The following CENPC variants were observed in gnomAD, a reference collection of about 807,000 sequenced individuals.
The protein encoded by CENPC is CENP-C 1.
In CENPC, 63 loss-of-function variants were observed where a neutral mutation model predicts 112.1. The observed-to-expected ratio is 0.56, with a 90% CI of 0.46 to 0.69. The LOEUF (loss-of-function observed/expected upper bound fraction) is 0.69, where lower values mean the gene tolerates loss of function less well. CENPC is among the 30% of genes least tolerant of loss of function. CENPC has a pLI of 0.00. For missense variants in CENPC, 1,000 were observed against 1,103.8 expected (o/e 0.91, Z 1.33); for synonymous variants, 333 against 367.6 (o/e 0.91, Z 1.08).
Position 67,508,959 on chromosome 4 carries a change from C to T in CENPC, c.1759G>A (p.Gly587Ser). Reference protein sequence around the residue: ...PLKRQKTATKGNQRVQKFLNA... With the variant: ...PLKRQKTATKSNQRVQKFLNA... ...AAAAACTTCTGTACTCTTTGGTTGC[C>T]TTTAGTTGCTGTCTTCTGCCTTTTA... Residue 587 changes from glycine (G) to serine (S), a missense_variant, in exon 10 of 19, where the codon GGC becomes AGC. Physicochemically the swap from Gly to Ser is moderately conservative, Grantham distance 56. Coordinates refer to ENST00000273853, the MANE Select transcript of CENPC (RefSeq NM_001812.4). The T allele has an allele frequency of 6.2e-7, 1 of 1,613,576 alleles. No homozygotes were observed. The highest frequency in any genetic ancestry group is 1.1e-5 in the South Asian group (1 of 91,068).
intron 4 of CENPC, 87 bp downstream of exon 4, chr4:67,539,753 C>A (rs1011491170): frequency 1.5e-6 from 1 of 659,246 alleles, no homozygotes; most frequent in South Asian, 2.3e-5. Flanking sequence ...ATAAGACTTA[C>A]AAACAACTAA....
chr4:67,495,520 G>A (rs922587483), intron 12 of CENPC, among the ~76,000 whole-genome samples: 6 of 152,004 alleles, frequency 3.9e-5, no homozygotes, highest in South Asian at 4.1e-4. Flanking sequence ...TGTCTCTGGC[G>A]ACAAGTGGAA....
Position 67,490,837 on chromosome 4 carries a change from AATATATAT to A in CENPC, c.2516-724_2516-717del, listed in dbSNP as rs57498869. Among the ~76,000 whole-genome samples the A allele has an allele frequency of 8.9e-3, 510 of 57,048 alleles. 2 individuals are homozygous for A. The highest frequency in any genetic ancestry group is 0.022 in the African/African-American group (371 of 16,788). 37.4% of individuals were successfully genotyped at this position (57,048 alleles called of 152,430 possible). ...CTACAGACTACATGATATAGAAATA[AATATATAT>A]ATATATATATATATATATATATATA... is the stretch of plus-strand genomic sequence containing the variant. On this transcript the variant is annotated intron_variant, in intron 16 of 18. Transcript: ENST00000273853.
intron 5 of CENPC, among the ~76,000 whole-genome samples, chr4:67,528,272 G>C (rs928724626): frequency 1.3e-5 from 2 of 152,036 alleles, no homozygotes; most frequent in Non-Finnish European, 2.9e-5. Flanking sequence ...AATACTAGGA[G>C]GGAGGGGAGA....
Position 67,474,885 on chromosome 4 carries a change from T to C in CENPC, c.2761+3A>G, listed in dbSNP as rs202214457. ...GTTGTCTAAGTGAAATAAATTGTCT[T>C]ACCTGAAGGAACATAGAACGAATCC... On this transcript the variant is annotated splice_donor_region_variant and intron_variant, in intron 18 of 18. Coordinates refer to ENST00000273853, the MANE Select transcript of CENPC (RefSeq NM_001812.4). The C allele has an allele frequency of 6.5e-7, 1 of 1,529,988 alleles. No individual in the cohort carries two copies. 94.8% of individuals were successfully genotyped at this position (1,529,988 alleles called of 1,614,324 possible).
chr4:67,535,451 G>A (rs983484758), intron 4 of CENPC, among the ~76,000 whole-genome samples: 1 of 151,658 alleles, frequency 6.6e-6, no homozygotes, highest in Admixed American at 6.6e-5. Flanking sequence ...AAAAAAAAAA[G>A]AGCAGGGACA....
At chr4:67,505,131 A>G in intron 12 of CENPC, 74 bp downstream of exon 12, 1 of 1,068,318 alleles carries the variant, frequency 9.4e-7, no homozygotes, top group South Asian at 1.5e-5. Context: ...TGACAATGTA[A>G]ACAAAACATA....
chr4:67,484,703 G>T (rs1490519115), intron 17 of CENPC, among the ~76,000 whole-genome samples: 3 of 152,194 alleles, frequency 2.0e-5, no homozygotes, highest in Non-Finnish European at 4.4e-5. Flanking sequence ...AATACAGGAA[G>T]AGATTTCTTT....
Position 67,469,359 on chromosome 4 carries a change from T to G in CENPC, c.*3246A>C, listed in dbSNP as rs1009019292. 1.3e-5 allele frequency: 2 copies of G among 152,196 alleles called. No individual in the cohort carries two copies. Among genetic ancestry groups the G allele is most frequent in the African/African-American group, 4.8e-5 (2 of 41,454 alleles). 9.4% of individuals were successfully genotyped at this position (152,196 alleles called of 1,614,324 possible). On this transcript the variant is annotated 3_prime_UTR_variant, in exon 19 of 19. Transcript: ENST00000273853. ...AAGGACGGTGATTCTTTTGTTTTCT[T>G]TTTTTGAGTCAGAGTCTTGCTCGGC...
chr4:67,491,259 C>T (rs1190487559), intron 16 of CENPC, among the ~76,000 whole-genome samples: 1 of 149,532 alleles, frequency 6.7e-6, no homozygotes, highest in Non-Finnish European at 1.5e-5. Flanking sequence ...CTGCAATCTC[C>T]ACCTCCCAGA....
intron 3 of CENPC, among the ~76,000 whole-genome samples, chr4:67,540,685 A>C (rs1260610154): frequency 6.6e-6 from 1 of 152,168 alleles, no homozygotes; most frequent in Non-Finnish European, 1.5e-5. Flanking sequence ...ATAAATAAAT[A>C]ATAAAATACT....
chr4:67,519,645 T>C (rs1486476980), intron 5 of CENPC, 143 bp from the exon 6 acceptor site: 3 of 646,108 alleles, frequency 4.6e-6, no homozygotes, highest in Non-Finnish European at 7.4e-6. Context: ...CAAAGATCTA[T>C]GATTAAAATA....
At position 67,497,774 on chromosome 4, in the gene CENPC, C is replaced by T. The variant is rs568094430; in HGVS notation, c.2132-2562G>A. On this transcript the variant is annotated intron_variant, in intron 12 of 18. Transcript: ENST00000273853. ...TCACAAACTCCTGGGCTCAAGTGAC[C>T]GGCCTCGCCTCCCAAAGTGTTGGGT... 2.2e-3 allele frequency among the ~76,000 whole-genome samples: 305 copies of T among 138,582 alleles called. 3 individuals carry two copies. The highest frequency in any genetic ancestry group is 6.7e-3 in the Admixed American group (86 of 12,792). 90.9% of individuals were successfully genotyped at this position (138,582 alleles called of 152,430 possible).
At chr4:67,475,266 T>C (rs1018679439) in intron 17 of CENPC, among the ~76,000 whole-genome samples, 12 of 152,148 alleles carry the variant, frequency 7.9e-5, no homozygotes, top group Non-Finnish European at 1.6e-4. Flanking sequence ...TCACAGAAAT[T>C]TGAAGCATGA....
In CENPC at chr4:67,470,530, C is replaced by A. The variant is rs1160422216; in HGVS notation, c.*2075G>T. ...GAGGTTGCAGTGAGCCGAGATCACA[C>A]CATCGCACTCCAGCCCAGGCAACAA... On this transcript the variant is annotated 3_prime_UTR_variant, in exon 19 of 19. Coordinates refer to ENST00000273853, the MANE Select transcript of CENPC (RefSeq NM_001812.4). 6.9e-6 allele frequency: 1 copy of A among 144,390 alleles called. No individual in the cohort carries two copies. Among genetic ancestry groups the A allele is most frequent in the East Asian group, 2.0e-4 (1 of 4,962 alleles). The allele number at this position is 144,390 out of a possible 1,614,324, so 8.9% of individuals were successfully genotyped here. A position where few individuals can be genotyped will look rare whatever the true frequency, so the allele number is the denominator to read the frequency against.
At chr4:67,492,735 A>G in intron 15 of CENPC, 134 bp downstream of exon 15, 1 of 1,276,490 alleles carries the variant, frequency 7.8e-7, no homozygotes, top group Non-Finnish European at 1.0e-6. Flanking sequence ...AGTAGACATT[A>G]AAAAATGAAT....
chr4:67,484,084 C>G (rs1162361694), intron 17 of CENPC, among the ~76,000 whole-genome samples: 1 of 152,186 alleles, frequency 6.6e-6, no homozygotes, highest in African/African-American at 2.4e-5. Context: ...GGACCACTTC[C>G]AGTCCTGAAA....
chr4:67,475,525 G>A (rs531491847), intron 17 of CENPC, among the ~76,000 whole-genome samples: 1 of 152,194 alleles, frequency 6.6e-6, no homozygotes, highest in African/African-American at 2.4e-5. Context: ...TTCCAGTCTT[G>A]TAATACTCTA....
At chr4:67,495,115 G>T in intron 13 of CENPC, 44 bp downstream of exon 13, 7 of 1,417,928 alleles carry the variant, frequency 4.9e-6, no homozygotes, top group Non-Finnish European at 5.6e-6. Flanking sequence ...GAAACTTAAG[G>T]TATTTTTCTC....
Sources: allele counts gnomAD v4.1 joint callset (sites outside exome capture counted in the v4.1 genomes callset), GRCh38; gene constraint gnomAD v4.1.1; transcripts MANE v1.5; gene names NCBI Gene and HGNC (gene_info 2026-07-23, HGNC 2026-07-21).